Variants in B3GALT1 observed in about 807,000 individuals in gnomAD.
The protein encoded by B3GALT1 is UDP-Gal:betaGlcNAc beta 1,3-galactosyltransferase, polypeptide 1.
A neutral mutation model predicts 23.2 loss-of-function variants in B3GALT1; 10 were observed. The ratio of observed to expected loss-of-function variants is 0.43; its 90% CI spans 0.27 to 0.73. B3GALT1 has a LOEUF of 0.73. Among genes scored for constraint, B3GALT1 ranks in the 30% least tolerant of loss-of-function variants. The pLI is 0.21. For missense variants in B3GALT1, 299 were observed against 405.4 expected (o/e 0.74, Z 2.25); for synonymous variants, 156 against 141.5 (o/e 1.10, Z -0.73).
At chr2:167,492,684 G>C (rs938146823) in intron 2 of B3GALT1, among the ~76,000 whole-genome samples, 2 of 152,162 alleles carry the variant, frequency 1.3e-5, no homozygotes, top group African/African-American at 4.8e-5. Flanking sequence ...TAAGTATGTT[G>C]TGGTTTTTCA....
chr2:167,788,043 G>A (rs533379851), intron 3 of B3GALT1, among the ~76,000 whole-genome samples: 1 of 152,314 alleles, frequency 6.6e-6, no homozygotes, highest in African/African-American at 2.4e-5. Context: ...GGTGGAGCCA[G>A]AAGTGGCACA....
chr2:167,309,158 C>G (rs921188592), intron 1 of B3GALT1, among the ~76,000 whole-genome samples: 3 of 151,988 alleles, frequency 2.0e-5, no homozygotes, highest in Non-Finnish European at 2.9e-5. Context: ...ACAGCAGAGA[C>G]TGTTAAAAGT....
chr2:167,680,958 TA>T (rs1428149657), intron 3 of B3GALT1, among the ~76,000 whole-genome samples: 11 of 152,200 alleles, frequency 7.2e-5, no homozygotes, highest in Admixed American at 7.2e-4. Context: ...TCCAGTCATT[TA>T]AAAAATTCTA....
chr2:167,710,282 C>G (rs1687028488), intron 3 of B3GALT1, among the ~76,000 whole-genome samples: 1 of 152,192 alleles, frequency 6.6e-6, no homozygotes, highest in Non-Finnish European at 1.5e-5. Context: ...ATTACTGTAA[C>G]TTATTGTGTA....
At chr2:167,489,742 C>T (rs115808356) in intron 1 of B3GALT1, among the ~76,000 whole-genome samples, 4 of 152,026 alleles carry the variant, frequency 2.6e-5, no homozygotes, top group African/African-American at 4.8e-5. Flanking sequence ...TTTATCATAG[C>T]AGAGTAAAGC....
At chr2:167,308,352 A>G (rs780284548) in intron 1 of B3GALT1, among the ~76,000 whole-genome samples, 27 of 152,018 alleles carry the variant, frequency 1.8e-4, no homozygotes, top group Non-Finnish European at 3.4e-4. Flanking sequence ...GGAGATGTCA[A>G]CTGAGCAGGC....
At chr2:167,741,471 A>C (rs566250504) in intron 3 of B3GALT1, among the ~76,000 whole-genome samples, 1 of 152,190 alleles carries the variant, frequency 6.6e-6, no homozygotes, top group Non-Finnish European at 1.5e-5. Context: ...ATATAGCCAG[A>C]GTGGTCCATC....
At chr2:167,749,193 T>C (rs1687696324) in intron 3 of B3GALT1, among the ~76,000 whole-genome samples, 1 of 152,206 alleles carries the variant, frequency 6.6e-6, no homozygotes, top group Admixed American at 6.5e-5. Flanking sequence ...ACAGATATTG[T>C]GTAACAAGTT....
At chr2:167,714,136 A>G in intron 3 of B3GALT1, 2 of 1,527,492 alleles carry the variant, frequency 1.3e-6, no homozygotes, top group Non-Finnish European at 1.8e-6. Context: ...AACAAGGCAT[A>G]TTAAAACTTC....
At chr2:167,509,835 T>A (rs967628032) in intron 2 of B3GALT1, among the ~76,000 whole-genome samples, 3 of 152,080 alleles carry the variant, frequency 2.0e-5, no homozygotes, top group Admixed American at 6.6e-5. Flanking sequence ...ATTTGGAAGG[T>A]TTAGAACAAA....
chr2:167,398,871 T>C (rs1055541839), intron 1 of B3GALT1, among the ~76,000 whole-genome samples: 1 of 152,152 alleles, frequency 6.6e-6, no homozygotes, highest in African/African-American at 2.4e-5. Context: ...ATAGAGTGTC[T>C]TGCATTTCTG....
intron 1 of B3GALT1, among the ~76,000 whole-genome samples, chr2:167,417,001 T>C (rs779844028): frequency 7.2e-5 from 11 of 152,190 alleles, no homozygotes; most frequent in Non-Finnish European, 1.2e-4. Flanking sequence ...GACCGGACTT[T>C]GGACTTTTGA....
chr2:167,414,982 G>A (rs1157955168), intron 1 of B3GALT1, among the ~76,000 whole-genome samples: 1 of 152,176 alleles, frequency 6.6e-6, no homozygotes, highest in Non-Finnish European at 1.5e-5. Context: ...CATTTACTGA[G>A]TGTTTATTAG....
intron 2 of B3GALT1, among the ~76,000 whole-genome samples, chr2:167,638,644 TG>T (rs1185430668): frequency 6.6e-6 from 1 of 152,066 alleles, no homozygotes; most frequent in Non-Finnish European, 1.5e-5. Flanking sequence ...TTTCACTTTT[TG>T]GAACAATAAA....
chr2:167,538,813 C>A (rs1365651633), intron 2 of B3GALT1, among the ~76,000 whole-genome samples: 4 of 152,044 alleles, frequency 2.6e-5, no homozygotes, highest in African/African-American at 9.7e-5. Flanking sequence ...CTTTAAAATA[C>A]TTAACTGTGT....
intron 3 of B3GALT1, among the ~76,000 whole-genome samples, chr2:167,764,612 A>C (rs950225113): frequency 2.6e-5 from 4 of 152,224 alleles, no homozygotes; most frequent in African/African-American, 9.6e-5. Flanking sequence ...GAGTTTAATA[A>C]GTTTTATAAT....
chr2:167,447,102 T>A (rs1301941285), intron 1 of B3GALT1, among the ~76,000 whole-genome samples: 1 of 152,194 alleles, frequency 6.6e-6, no homozygotes, highest in Admixed American at 6.5e-5. Context: ...CAGCTACAGG[T>A]CTGTTGGAGT....
At chr2:167,816,536 C>T (rs2105359043) in intron 3 of B3GALT1, among the ~76,000 whole-genome samples, 1 of 152,096 alleles carries the variant, frequency 6.6e-6, no homozygotes, top group Non-Finnish European at 1.5e-5. Context: ...CTCATGACAG[C>T]ATTCAGTAAC....
intron 3 of B3GALT1, among the ~76,000 whole-genome samples, chr2:167,804,234 C>T (rs545815132): frequency 3.3e-5 from 5 of 152,262 alleles, no homozygotes; most frequent in Admixed American, 1.3e-4. Context: ...AAGTGATCTG[C>T]GAGCCTCGGC....
Sources: gnomAD v4.1 joint callset for allele counts (sites outside exome capture counted in the v4.1 genomes callset) on GRCh38, gnomAD v4.1.1 for gene constraint, MANE v1.5 for transcripts, NCBI Gene and HGNC (gene_info 2026-07-23, HGNC 2026-07-21) for gene names.